CFH: variants seen among roughly 807,000 people sequenced by gnomAD.
The protein encoded by CFH is complement factor H.
Under a neutral mutation model 147.3 loss-of-function variants are expected in CFH, and 53 were observed. The observed-to-expected ratio is 0.36, with a 90% CI of 0.29 to 0.45. CFH has a LOEUF of 0.45. CFH is among the 20% of genes least tolerant of loss of function. The pLI, the probability that CFH is intolerant of heterozygous loss-of-function variation, is 1.00. For synonymous variants in CFH, 536 were observed against 489.4 expected, an observed-to-expected ratio of 1.10 and a Z score of -1.26; for missense variants, 1,380 against 1,498.0, an observed-to-expected ratio of 0.92 and a Z score of 1.30.
chr1:196,727,058 A>T (rs534328997), intron 14 of CFH, 118 bp downstream of exon 14: 2 of 843,310 alleles, frequency 2.4e-6, no homozygotes, highest in Non-Finnish European at 4.0e-6. Context: ...CCAGTCTTCA[A>T]TATGAGACCA....
At chr1:196,678,452 T>G (rs902626570) in intron 5 of CFH, 1 of 151,922 alleles carries the variant, frequency 6.6e-6, no homozygotes, top group Non-Finnish European at 1.5e-5. Flanking sequence ...TATTTTAATA[T>G]TATCTAAAAT....
At chr1:196,729,915 T>C (rs939884643) in intron 15 of CFH, among the ~76,000 whole-genome samples, 2 of 151,966 alleles carry the variant, frequency 1.3e-5, no homozygotes, top group Non-Finnish European at 2.9e-5. Flanking sequence ...TGTATTTTTT[T>C]GATATCAGTT....
chr1:196,679,334 A>G (rs981083342), intron 5 of CFH: 2 of 234,032 alleles, frequency 8.5e-6, no homozygotes, highest in Non-Finnish European at 1.7e-5. Flanking sequence ...CAATAAAACT[A>G]TATTTATGAT....
chr1:196,653,246 A>G (rs1223878835), intron 1 of CFH, among the ~76,000 whole-genome samples: 2 of 151,768 alleles, frequency 1.3e-5, no homozygotes, highest in Admixed American at 6.6e-5. Context: ...ATTTTCAGTT[A>G]TATTTTCTAA....
At chr1:196,711,482 C>G (rs1300205230) in intron 9 of CFH, among the ~76,000 whole-genome samples, 3 of 151,662 alleles carry the variant, frequency 2.0e-5, no homozygotes, top group East Asian at 3.9e-4. Context: ...TTTTTTAACT[C>G]CATTCTGTAT....
intron 17 of CFH, among the ~76,000 whole-genome samples, chr1:196,738,177 T>G (rs754163927): frequency 6.6e-5 from 10 of 152,162 alleles, no homozygotes; most frequent in Non-Finnish European, 8.8e-5. Context: ...AACTACTTCC[T>G]ACTGAGTCCC....
intron 10 of CFH, among the ~76,000 whole-genome samples, chr1:196,714,764 G>A (rs930795118): frequency 6.9e-6 from 1 of 144,362 alleles, no homozygotes; most frequent in African/African-American, 2.6e-5. Context: ...GCAGTGGCAT[G>A]ATCTTGGCTC....
At chr1:196,746,166 C>T (rs1222018931) in intron 21 of CFH, among the ~76,000 whole-genome samples, 167 bp downstream of exon 21, 1 of 152,168 alleles carries the variant, frequency 6.6e-6, no homozygotes, top group East Asian at 1.9e-4. Flanking sequence ...CTCTTTAGGG[C>T]TGGGTGCGGT....
intron 1 of CFH, among the ~76,000 whole-genome samples, chr1:196,658,033 T>C (rs1666763536): frequency 6.6e-6 from 1 of 152,168 alleles, no homozygotes; most frequent in African/African-American, 2.4e-5. Flanking sequence ...TAGCTTGGTG[T>C]TTGTATGTCA....
At position 196,665,303 on chromosome 1, in the gene CFH, A is replaced by G. The variant is rs1354016710; in HGVS notation, c.59-7675A>G. 2.0e-5 allele frequency among the ~76,000 whole-genome samples: 3 copies of G among 151,040 alleles called. No individual in the cohort carries two copies. In the East Asian group the frequency reaches 5.8e-4, roughly 29 times the overall value. On this transcript the variant is annotated intron_variant, in intron 1 of 21. Coordinates refer to ENST00000367429, the MANE Select transcript of CFH (RefSeq NM_000186.4). ...TAATGTGTATATGTTCTGTTTGCAA[A>G]TTGCTTTATGCATTAAGCCTTCCTT...
chr1:196,715,703 A>G lies in CFH; in HGVS notation c.1630A>G (p.Thr544Ala), dbSNP rs776628605. ...ATGCCATGATGGTTATGAAAGCAAT[A>G]CTGGAAGCACCACTGGTTCCATAGT... is the stretch of plus-strand genomic sequence containing the variant. ...YECHDGYESN[T>A]GSTTGSIVCG... Residue 544 changes from threonine (T) to alanine (A), a missense_variant, in exon 11 of 22, where the codon ACT (threonine) becomes GCT (alanine). Transcript: ENST00000367429. The G allele has an allele frequency of 1.7e-5, 28 of 1,612,846 alleles. No individual in the cohort carries two copies. The highest frequency in any genetic ancestry group is 2.7e-5 in the African/African-American group (2 of 74,858).
At chr1:196,691,310 A>G (rs751929518) in intron 9 of CFH, among the ~76,000 whole-genome samples, 1 of 152,074 alleles carries the variant, frequency 6.6e-6, no homozygotes, top group Non-Finnish European at 1.5e-5. Flanking sequence ...TCTCTAGTAT[A>G]TGTAAGTACA....
At chr1:196,684,938 AT>A (rs1266615269) in intron 6 of CFH, 125 bp from the exon 7 acceptor site, 1 of 745,932 alleles carries the variant, frequency 1.3e-6, no homozygotes, top group African/African-American at 1.8e-5. Flanking sequence ...TGATATGTTC[AT>A]TTTAATGCCA....
At position 196,734,575 on chromosome 1, in the gene CFH, G is replaced by C. The variant is rs941577085; in HGVS notation, c.2414-2249G>C. ...TATATTGGTCTCTGTTTACTTTAGG[G>C]GGTTGCAGGAGGCTTTGAACTGGTT... On this transcript the variant is annotated intron_variant, in intron 15 of 21. Transcript: ENST00000367429. 8.5e-5 allele frequency among the ~76,000 whole-genome samples: 13 copies of C among 152,068 alleles called. 1 individual carries two copies. Among genetic ancestry groups the C allele is most frequent in the African/African-American group, 3.1e-4 (13 of 41,504 alleles).
At chr1:196,721,034 C>T (rs1668985460) in intron 11 of CFH, among the ~76,000 whole-genome samples, 1 of 151,686 alleles carries the variant, frequency 6.6e-6, no homozygotes, top group South Asian at 2.1e-4. Context: ...TTTTTTAATT[C>T]GCATTTCTCT....
chr1:196,701,251 A>G lies in CFH; in HGVS notation c.1336+11012A>G. 2 of 1,609,504 alleles carry G rather than the reference A, an allele frequency of 1.2e-6. No individual in the cohort carries two copies. Among genetic ancestry groups the G allele is most frequent in the South Asian group, 2.2e-5 (2 of 91,008 alleles). ...GTCAGTCACATTCAGTTAGTCCTGA[A>G]GGAGTTGCTAGTGGAATCTCAGCAA... On this transcript the variant is annotated intron_variant, in intron 9 of 21. Transcript: ENST00000367429.
chr1:196,713,768 A>T lies in CFH; in HGVS notation c.1370A>T (p.Asn457Ile). The change falls in exon 10 of 22, where the codon AAT becomes ATT. Residue 457 changes from asparagine to isoleucine, a missense_variant. By Grantham distance (149) the Asn-to-Ile change is moderately radical. Coordinates refer to ENST00000367429, the MANE Select transcript of CFH (RefSeq NM_000186.4). ...TCSKSSIDIE[N>I]GFISESQYTY... Reference sequence around the variant, plus strand: ...TCCAAATCAAGTATAGATATTGAGAATGGGTTTATTTCTGAATCTCAGTAT... The same window carrying T: ...TCCAAATCAAGTATAGATATTGAGATTGGGTTTATTTCTGAATCTCAGTAT... The T allele has an allele frequency of 6.2e-7, 1 of 1,600,108 alleles. No individual in the cohort carries two copies. Among genetic ancestry groups the T allele is most frequent in the Non-Finnish European group, 8.6e-7 (1 of 1,168,088 alleles).
chr1:196,655,592 AT>A (rs1442531749), intron 1 of CFH, among the ~76,000 whole-genome samples: 1 of 152,008 alleles, frequency 6.6e-6, no homozygotes. Flanking sequence ...ACCCACTTTT[AT>A]TTGCTTAATC....
intron 9 of CFH, among the ~76,000 whole-genome samples, chr1:196,710,293 A>G (rs1316745104): frequency 1.3e-5 from 2 of 152,090 alleles, no homozygotes; most frequent in Non-Finnish European, 2.9e-5. Context: ...GTGTTGATTA[A>G]AGCCTTTCTT....
Sources: gnomAD v4.1 joint callset for allele counts (sites outside exome capture counted in the v4.1 genomes callset) on GRCh38, gnomAD v4.1.1 for gene constraint, MANE v1.5 for transcripts, NCBI Gene and HGNC (gene_info 2026-07-23, HGNC 2026-07-21) for gene names.